The following APBA1 variants were observed in gnomAD, a reference collection of about 807,000 sequenced individuals.
APBA1 encodes amyloid-beta A4 precursor protein-binding family A member 1.
A neutral mutation model predicts 86.6 loss-of-function variants in APBA1; 55 were observed. The observed-to-expected ratio is 0.64, with a 90% confidence interval of 0.51 to 0.80. The LOEUF (loss-of-function observed/expected upper bound fraction) is 0.80. Ranked by LOEUF, APBA1 falls within the 30% of genes least tolerant of loss-of-function variation. The pLI, the probability that APBA1 is intolerant of heterozygous loss-of-function variation, is 0.00. For missense variants in APBA1, 1,090 were observed against 1,183.0 expected (o/e 0.92, Z 1.15); for synonymous variants, 511 against 493.9 (o/e 1.03, Z -0.46).
At chr9:69,505,694 T>C (rs1029963596) in intron 2 of APBA1, among the ~76,000 whole-genome samples, 1 of 152,078 alleles carries the variant, frequency 6.6e-6, no homozygotes, top group African/African-American at 2.4e-5. Flanking sequence ...CTGTTGCCTA[T>C]AGACAGATCA....
intron 1 of APBA1, among the ~76,000 whole-genome samples, chr9:69,531,990 T>C (rs561606203): frequency 1.3e-5 from 2 of 152,328 alleles, no homozygotes; most frequent in South Asian, 4.1e-4. Context: ...TAAGCTAATG[T>C]AGCTCTAAGA....
rs764918995 is a variant in APBA1 at position 69,449,787 on chromosome 9, C to T, written c.1978G>A (p.Glu660Lys). Reference protein sequence around the residue: ...KSENCKDVFIEKQKGEILGVV... With the variant: ...KSENCKDVFIKKQKGEILGVV... The stretch of plus-strand genomic sequence containing the variant: ...CCTAGGATTTCTCCTTTCTGCTTCT[C>T]TATGAAAACCTGGAAGGAGAAAAAC... Residue 660 changes from glutamate (E) to lysine (K), a missense_variant, in exon 10 of 13, where the codon GAG (glutamate) becomes AAG (lysine). Physicochemically the swap from Glu to Lys is moderately conservative, Grantham distance 56. Coordinates refer to ENST00000265381, the MANE Select transcript of APBA1 (RefSeq NM_001163.4). The T allele has an allele frequency of 6.2e-7, 1 of 1,609,562 alleles. No homozygotes were observed. The highest frequency in any genetic ancestry group is 1.1e-5 in the South Asian group (1 of 90,998).
chr9:69,443,357 G>T (rs1834856834), intron 10 of APBA1, among the ~76,000 whole-genome samples: 1 of 152,192 alleles, frequency 6.6e-6, no homozygotes, highest in African/African-American at 2.4e-5. Context: ...TTTCTCCATG[G>T]ATGATTACAC....
intron 6 of APBA1, among the ~76,000 whole-genome samples, chr9:69,457,416 C>T (rs760439547): frequency 1.3e-5 from 2 of 152,178 alleles, no homozygotes; most frequent in African/African-American, 2.4e-5. Flanking sequence ...ACTCTTTGAA[C>T]GATGATGGCA....
At chr9:69,573,478 A>C (rs1012687622) in intron 1 of APBA1, among the ~76,000 whole-genome samples, 2 of 152,212 alleles carry the variant, frequency 1.3e-5, no homozygotes, top group Non-Finnish European at 2.9e-5. Flanking sequence ...AGTAAAATAA[A>C]ATACAATTTA....
At chr9:69,527,270 C>A (rs749393637) in intron 1 of APBA1, among the ~76,000 whole-genome samples, 2 of 151,996 alleles carry the variant, frequency 1.3e-5, no homozygotes, top group Non-Finnish European at 2.9e-5. Context: ...ATATAAATGA[C>A]TTGAACACAT....
intron 1 of APBA1, among the ~76,000 whole-genome samples, chr9:69,550,469 G>T (rs1010873608): frequency 2.6e-5 from 4 of 151,960 alleles, no homozygotes; most frequent in African/African-American, 4.8e-5. Flanking sequence ...CATTAATGTA[G>T]GTTCTTATTT....
chr9:69,474,346 ATCTCAGGTAAGTTATT>A (rs1306775440), intron 3 of APBA1: 2 of 152,178 alleles, frequency 1.3e-5, no homozygotes, highest in African/African-American at 4.8e-5. Flanking sequence ...GAGCTCTACA[ATCTCAGGTAAGTTATT>A]CAACCTCTTA....
chr9:69,495,369 CAGA>C (rs1395536934), intron 2 of APBA1, among the ~76,000 whole-genome samples: 4 of 152,136 alleles, frequency 2.6e-5, no homozygotes, highest in Admixed American at 1.3e-4. Flanking sequence ...TCGGTACATC[CAGA>C]AGTTCTCCAT....
At chr9:69,647,126 C>T (rs1029084034) in intron 1 of APBA1, among the ~76,000 whole-genome samples, 4 of 152,248 alleles carry the variant, frequency 2.6e-5, no homozygotes, top group Non-Finnish European at 4.4e-5. Context: ...TATAAAACCT[C>T]GATTATCTAA....
chr9:69,572,285 G>A (rs1453210838), intron 1 of APBA1, among the ~76,000 whole-genome samples: 1 of 151,976 alleles, frequency 6.6e-6, no homozygotes, highest in Non-Finnish European at 1.5e-5. Flanking sequence ...TTTCCCCTCC[G>A]TGTGTCCATG....
chr9:69,446,993 C>T (rs1028107337), intron 10 of APBA1, among the ~76,000 whole-genome samples: 2 of 152,228 alleles, frequency 1.3e-5, no homozygotes, highest in Admixed American at 6.5e-5. Flanking sequence ...TTATCCCTCA[C>T]AGTTCTGGAG....
intron 3 of APBA1, among the ~76,000 whole-genome samples, chr9:69,475,585 T>C (rs569293155): frequency 6.6e-6 from 1 of 152,224 alleles, no homozygotes; most frequent in East Asian, 1.9e-4. Context: ...ACGAAAGATA[T>C]CTCATTTGGG....
chr9:69,596,810 C>A lies in APBA1; in HGVS notation c.-70+75343G>T, dbSNP rs139711183. 2.2e-3 allele frequency among the ~76,000 whole-genome samples: 329 copies of A among 152,328 alleles called. 1 individual carries two copies. The highest frequency in any genetic ancestry group is 7.5e-3 in the African/African-American group (312 of 41,584). On this transcript the variant is annotated intron_variant, in intron 1 of 12. Transcript: ENST00000265381. ...ATCTTCTGTTGCAGTCTATCTTCAG[C>A]CCAGTCAACTGGTTGAAGGCTTGGA...
chr9:69,456,116 C>T, intron 8 of APBA1, 131 bp downstream of exon 8: 1 of 1,049,998 alleles, frequency 9.5e-7, no homozygotes. Flanking sequence ...ATCTCTAGTG[C>T]TGGAACAGTG....
intron 5 of APBA1, among the ~76,000 whole-genome samples, chr9:69,466,372 C>T (rs870693): frequency 0.17 from 26,392 of 152,198 alleles, 2,394 homozygotes; most frequent in Admixed American, 0.21. Context: ...ACGTGACTAA[C>T]GTAAGAATCA....
chr9:69,457,859 T>C (rs1460887027), intron 6 of APBA1, among the ~76,000 whole-genome samples: 1 of 152,200 alleles, frequency 6.6e-6, no homozygotes, highest in Non-Finnish European at 1.5e-5. Context: ...CTCAAGTCCC[T>C]GCCACATCGA....
intron 1 of APBA1, among the ~76,000 whole-genome samples, chr9:69,636,918 GGAAGGAAAGAAA>G (rs1486394675): frequency 2.3e-3 from 199 of 84,874 alleles, no homozygotes; most frequent in African/African-American, 9.1e-3. Flanking sequence ...AAGGAAGGAA[GGAAGGAAAGAAA>G]GAAAGAAAGA....
In APBA1 at chr9:69,642,867, C is replaced by G. The variant is rs566322293; in HGVS notation, c.-70+29286G>C. On this transcript the variant is annotated intron_variant, in intron 1 of 12. Coordinates refer to ENST00000265381, the MANE Select transcript of APBA1 (RefSeq NM_001163.4). ...GCAGACTGCCTTTGAATTTGAACTG[C>G]AACTCTTCCCTGGGTCTCCAGCCTT... Among the ~76,000 whole-genome samples the G allele has an allele frequency of 2.0e-5, 3 of 152,060 alleles. No individual in the cohort carries two copies. In the South Asian group the frequency reaches 6.2e-4, roughly 32 times the overall value.
Sources: allele counts gnomAD v4.1 joint callset (sites outside exome capture counted in the v4.1 genomes callset), GRCh38; gene constraint gnomAD v4.1.1; transcripts MANE v1.5; gene names NCBI Gene and HGNC (gene_info 2026-07-23, HGNC 2026-07-21).